Variants in LIPG observed in about 807,000 individuals in gnomAD.
LIPG encodes endothelial lipase.
Under a neutral mutation model 51.8 loss-of-function variants are expected in LIPG, and 34 were observed. The observed-to-expected ratio is 0.66, with a 90% CI of 0.50 to 0.87. The LOEUF (loss-of-function observed/expected upper bound fraction) is 0.87, where lower values mean the gene tolerates loss of function less well. Ranked by LOEUF, LIPG falls within the 40% of genes least tolerant of loss-of-function variation. The pLI, the probability that LIPG is intolerant of heterozygous loss-of-function variation, is 0.00. For synonymous variants in LIPG, 246 were observed against 246.1 expected (o/e 1.00, Z 0.00); for missense variants, 580 against 652.7 (o/e 0.89, Z 1.21).
Position 49,591,379 on chromosome 18 carries a change from T to A in LIPG, c.*857T>A, listed in dbSNP as rs2084942205. ...AGTTATTATGTGCCACCTTCTTAGT[T>A]ATTATGTGCCACCTCCCCTATGAGT... On this transcript the variant is annotated 3_prime_UTR_variant, in exon 10 of 10. Transcript: ENST00000261292. The A allele has an allele frequency of 6.6e-6, 1 of 152,162 alleles. No individual in the cohort carries two copies. Among genetic ancestry groups the A allele is most frequent in the Non-Finnish European group, 1.5e-5 (1 of 68,036 alleles). 9.4% of individuals were successfully genotyped at this position (152,162 alleles called of 1,614,324 possible). A position where few individuals can be genotyped will look rare whatever the true frequency, so the allele number is the denominator to read the frequency against.
intron 8 of LIPG, among the ~76,000 whole-genome samples, chr18:49,584,827 T>C (rs2084864760): frequency 6.6e-6 from 1 of 152,168 alleles, no homozygotes; most frequent in African/African-American, 2.4e-5. Flanking sequence ...CATTTATAAA[T>C]AAAATATTTC....
rs1050747926 is a variant in LIPG at position 49,576,741 on chromosome 18, G to T, written c.793+1151G>T. Reference sequence around the variant, plus strand: ...CTGCCTCGGCCTCCCAAAGTGCTGGGATTACAGGTGTGAGCCACTGCACCC... The same window carrying T: ...CTGCCTCGGCCTCCCAAAGTGCTGGTATTACAGGTGTGAGCCACTGCACCC... On this transcript the variant is annotated intron_variant, in intron 5 of 9. Coordinates refer to ENST00000261292, the MANE Select transcript of LIPG (RefSeq NM_006033.4). Among the ~76,000 whole-genome samples the T allele has an allele frequency of 9.9e-5, 15 of 151,956 alleles. 1 individual carries two copies. The highest frequency in any genetic ancestry group is 9.2e-4 in the Admixed American group (14 of 15,246).
intron 1 of LIPG, among the ~76,000 whole-genome samples, chr18:49,562,653 C>G (rs755183998): frequency 6.6e-6 from 1 of 152,196 alleles, no homozygotes; most frequent in Admixed American, 6.5e-5. Flanking sequence ...CTCCCACCCC[C>G]ACCTCCTTCC....
At chr18:49,566,913 A>G (rs1305778939) in intron 2 of LIPG, among the ~76,000 whole-genome samples, 1 of 152,196 alleles carries the variant, frequency 6.6e-6, no homozygotes, top group African/African-American at 2.4e-5. Context: ...TAGCTAGGAA[A>G]GTTTTGATGG....
At chr18:49,590,288 T>C in intron 9 of LIPG, 1 of 663,924 alleles carries the variant, frequency 1.5e-6, no homozygotes, top group South Asian at 1.6e-5. Context: ...CAGTGTGGTG[T>C]TTCTCAAAGT....
rs750339464 is a variant in LIPG, at chr18:49,583,714, A to G, written c.1316A>G (p.Asn439Ser). The G allele has an allele frequency of 1.1e-5, 17 of 1,614,074 alleles. No homozygotes were observed. The African/African-American group carries it at 1.6e-4, about 15-fold the overall frequency. ...CGCAGCTACCTGTCTCAACCCCGCA[A>G]CCCCGGACGGGAGCTGAATATCAGG... is the stretch of plus-strand genomic sequence containing the variant. ...EFRSYLSQPR[N>S]PGRELNIRRI... Residue 439 changes from asparagine to serine, a missense_variant, in exon 8 of 10, where the codon AAC becomes AGC. Coordinates refer to ENST00000261292, the MANE Select transcript of LIPG (RefSeq NM_006033.4).
intron 5 of LIPG, among the ~76,000 whole-genome samples, chr18:49,578,242 C>T (rs1380680961): frequency 2.1e-5 from 3 of 145,526 alleles, no homozygotes; most frequent in African/African-American, 5.2e-5. Flanking sequence ...GGCTGCCGGG[C>T]GGAGGGGCTC....
intron 4 of LIPG, among the ~76,000 whole-genome samples, chr18:49,574,067 C>T (rs2084690752): frequency 6.6e-6 from 1 of 152,194 alleles, no homozygotes; most frequent in Admixed American, 6.5e-5. Flanking sequence ...GGCAAAGCCA[C>T]TTGTAGTGGT....
intron 4 of LIPG, among the ~76,000 whole-genome samples, chr18:49,571,311 A>T (rs1452401616): frequency 6.6e-6 from 1 of 152,240 alleles, no homozygotes; most frequent in Non-Finnish European, 1.5e-5. Context: ...CCAGAATGTC[A>T]GTAACGATGA....
intron 9 of LIPG, 37 bp downstream of exon 9, chr18:49,586,887 C>T (rs369893830): frequency 1.3e-5 from 19 of 1,437,552 alleles, no homozygotes; most frequent in Admixed American, 5.0e-5. Flanking sequence ...ACCCAGGACA[C>T]GTTGACATGA....
chr18:49,590,879 G>T lies in LIPG; in HGVS notation c.*357G>T, dbSNP rs1260683506. 5.3e-6 allele frequency: 2 copies of T among 374,416 alleles called. No individual in the cohort carries two copies. Among genetic ancestry groups the T allele is most frequent in the South Asian group, 2.5e-5 (1 of 39,272 alleles). 23.2% of individuals were successfully genotyped at this position (374,416 alleles called of 1,614,324 possible). ...GTACTCTGCCTGACGAGGAACGCTG[G>T]CTCCGAAGAGGCCCTGTGTAGAAGG... On this transcript the variant is annotated 3_prime_UTR_variant, in exon 10 of 10. Coordinates refer to ENST00000261292, the MANE Select transcript of LIPG (RefSeq NM_006033.4).
At position 49,565,436 on chromosome 18, in the gene LIPG, C is replaced by A; in HGVS notation, c.217C>A (p.Pro73Thr). Residue 73 changes from proline to threonine, a missense_variant, in exon 2 of 10, where the codon CCC (proline) becomes ACC (threonine). Coordinates refer to ENST00000261292, the MANE Select transcript of LIPG (RefSeq NM_006033.4). ...GCYLSVGHSQPLEDCSFNMTA... is the reference protein window; with the variant it reads ...GCYLSVGHSQTLEDCSFNMTA... Reference sequence around the variant, plus strand: ...CTACCTCTCCGTCGGCCACAGCCAGCCCTTAGAAGACTGCAGTTTCAACAT... The same window carrying A: ...CTACCTCTCCGTCGGCCACAGCCAGACCTTAGAAGACTGCAGTTTCAACAT... The A allele has an allele frequency of 6.2e-7, 1 of 1,614,242 alleles. No individual in the cohort carries two copies. The highest frequency in any genetic ancestry group is 8.5e-7 in the Non-Finnish European group (1 of 1,180,054).
At chr18:49,564,007 T>A (rs1049052826) in intron 1 of LIPG, among the ~76,000 whole-genome samples, 1 of 152,194 alleles carries the variant, frequency 6.6e-6, no homozygotes, top group Non-Finnish European at 1.5e-5. Context: ...GGTTCAAATT[T>A]CTGCTGGTTG....
At position 49,597,510 on chromosome 18, in the gene LIPG, C is replaced by T. The variant is rs1414934725; in HGVS notation, c.*6988C>T. 1 of 152,218 alleles carries T rather than the reference C, an allele frequency of 6.6e-6. No individual in the cohort carries two copies. 9.4% of individuals were successfully genotyped at this position (152,218 alleles called of 1,614,324 possible). ...AACAAATATAAATCAGGGCTCAAGT[C>T]ATTTGTTTTCCTAAACCTTTGTGGT... is the stretch of plus-strand genomic sequence containing the variant. On this transcript the variant is annotated 3_prime_UTR_variant, in exon 10 of 10. Coordinates refer to ENST00000261292, the MANE Select transcript of LIPG (RefSeq NM_006033.4).
rs1381225930 is a variant in LIPG at position 49,565,504 on chromosome 18, C to T, written c.279+6C>T. 6.2e-7 allele frequency: 1 copy of T among 1,614,078 alleles called. No homozygotes were observed. The highest frequency in any genetic ancestry group is 1.7e-5 in the Admixed American group (1 of 60,024). On this transcript the variant is annotated splice_donor_region_variant and intron_variant, in intron 2 of 9. Coordinates refer to ENST00000261292, the MANE Select transcript of LIPG (RefSeq NM_006033.4). ...TCATCATTCACGGATGGACGGTGAGCCCGGGGAGGGAGCTCTGCGGCTTTA... is the reference window on the plus strand; with the variant it reads ...TCATCATTCACGGATGGACGGTGAGTCCGGGGAGGGAGCTCTGCGGCTTTA...
intron 8 of LIPG, 31 bp downstream of exon 8, chr18:49,583,805 G>A (rs773201036): frequency 6.4e-7 from 1 of 1,572,080 alleles, no homozygotes; most frequent in Middle Eastern, 2.2e-4. Context: ...CTTCTGCCTG[G>A]TGTAGGTGGG....
chr18:49,592,728 C>A lies in LIPG; in HGVS notation c.*2206C>A, dbSNP rs890080479. The stretch of plus-strand genomic sequence containing the variant: ...TCTCAGTGAGTTGTATATTTATACA[C>A]CTGGCTTGAAGCCTTAATTGTATAT... On this transcript the variant is annotated 3_prime_UTR_variant, in exon 10 of 10. Transcript: ENST00000261292. 1 of 152,026 alleles carries A rather than the reference C, an allele frequency of 6.6e-6. No individual in the cohort carries two copies. Among genetic ancestry groups the A allele is most frequent in the African/African-American group, 2.4e-5 (1 of 41,370 alleles). The allele number at this position is 152,026 out of a possible 1,614,324, so 9.4% of individuals were successfully genotyped here. A position where few individuals can be genotyped will look rare whatever the true frequency, so the allele number is the denominator to read the frequency against.
chr18:49,567,538 CT>C lies in LIPG; in HGVS notation c.377del (p.Leu126ArgfsTer40). On this transcript the variant is annotated frameshift_variant, in exon 3 of 10. Transcript: ENST00000261292. LOFTEE classifies it high-confidence loss of function. ...TGTAGTTGTGGTTGACTGGCTCCCCCTGGCCCACCAGCTTTACACGGATGCG... is the reference window on the plus strand; with the variant it reads ...TGTAGTTGTGGTTGACTGGCTCCCCCGGCCCACCAGCTTTACACGGATGCG... ...ANVVVVDWLPLAHQLYTDAVN... is the reference protein window; with the variant it reads ...ANVVVVDWLPXAHQLYTDAVN... The C allele has an allele frequency of 6.2e-7, 1 of 1,614,166 alleles. No homozygotes were observed. The highest frequency in any genetic ancestry group is 2.2e-5 in the East Asian group (1 of 44,868).
chr18:49,590,645 A>C lies in LIPG; in HGVS notation c.*123A>C, dbSNP rs1037972232. On this transcript the variant is annotated 3_prime_UTR_variant, in exon 10 of 10. Transcript: ENST00000261292. ...TTCTTCTCAGCCTTGACCCTGGAGC[A>C]CTGGGAACAACTGGTCTCCTGTGAT... 2 of 963,800 alleles carry C rather than the reference A, an allele frequency of 2.1e-6. No homozygotes were observed. The highest frequency in any genetic ancestry group is 1.4e-5 in the South Asian group (1 of 72,076). 59.7% of individuals were successfully genotyped at this position (963,800 alleles called of 1,614,324 possible). A position where few individuals can be genotyped will look rare whatever the true frequency, so the allele number is the denominator to read the frequency against.
Sources: gnomAD v4.1 joint callset for allele counts (sites outside exome capture counted in the v4.1 genomes callset) on GRCh38, gnomAD v4.1.1 for gene constraint, MANE v1.5 for transcripts, NCBI Gene and HGNC (gene_info 2026-07-23, HGNC 2026-07-21) for gene names.